The following ASXL2 variants were observed in gnomAD, a reference collection of about 807,000 sequenced individuals.
ASXL2 encodes putative Polycomb group protein ASXL2.
Under a neutral mutation model 122.0 loss-of-function variants are expected in ASXL2, and 23 were observed. The observed-to-expected ratio is 0.19, with a 90% confidence interval of 0.14 to 0.27. The LOEUF is 0.27. Among genes scored for constraint, ASXL2 ranks in the 10% least tolerant of loss-of-function variants. ASXL2 has a pLI of 1.00. For synonymous variants in ASXL2, 650 were observed against 637.0 expected (o/e 1.02, Z -0.31); for missense variants, 1,518 against 1,713.8 (o/e 0.89, Z 2.02).
At position 25,749,828 on chromosome 2, in the gene ASXL2, C is replaced by T. The variant is rs373310447; in HGVS notation, c.1728G>A (p.Glu576=). 2.5e-6 allele frequency: 4 copies of T among 1,610,234 alleles called. No individual in the cohort carries two copies. In the African/African-American group the frequency reaches 5.4e-5, roughly 22 times the overall value. ...LKRKSSLTQE[E]APVSWEKRPR... is the part of the protein sequence containing the mutation. ...GCCTCTTCTCCCAGCTCACAGGGGC[C>T]TCTTCTTGGGTGAGGGAAGACTTCC... Residue 576 remains glutamate (E), a synonymous_variant, in exon 12 of 13, where the codon GAG becomes GAA. Transcript: ENST00000435504.
intron 3 of ASXL2, among the ~76,000 whole-genome samples, chr2:25,828,365 G>A (rs1372505244): frequency 1.3e-5 from 2 of 151,866 alleles, no homozygotes; most frequent in African/African-American, 4.8e-5. Context: ...AATTAGCCAG[G>A]CATGGTGGCG....
At chr2:25,760,340 G>C (rs370426772) in intron 8 of ASXL2, among the ~76,000 whole-genome samples, 21 of 151,266 alleles carry the variant, frequency 1.4e-4, no homozygotes, top group East Asian at 7.7e-4. Flanking sequence ...GAAATTAAAA[G>C]GTAATTCAGT....
At position 25,740,481 on chromosome 2, in the gene ASXL2, G is replaced by GC. The variant is rs2087809826; in HGVS notation, c.*1547_*1548insG. ...TTACCCATTCCAAATTAGGAGACTT[G>GC]AAATCAATATGCAAATGATGCAAAT... On this transcript the variant is annotated 3_prime_UTR_variant, in exon 13 of 13. Coordinates refer to ENST00000435504, the MANE Select transcript of ASXL2 (RefSeq NM_018263.6). 4.4e-6 allele frequency: 1 copy of GC among 227,874 alleles called. No homozygotes were observed. The highest frequency in any genetic ancestry group is 8.7e-6 in the Non-Finnish European group (1 of 114,910). 14.1% of individuals were successfully genotyped at this position (227,874 alleles called of 1,614,324 possible).
intron 3 of ASXL2, among the ~76,000 whole-genome samples, chr2:25,826,544 G>A (rs1466395788): frequency 6.6e-6 from 1 of 152,054 alleles, no homozygotes; most frequent in Non-Finnish European, 1.5e-5. Context: ...ATTCTCCCTT[G>A]CAATAACAAG....
At chr2:25,792,631 C>A (rs1452392271) in intron 5 of ASXL2, among the ~76,000 whole-genome samples, 1 of 151,728 alleles carries the variant, frequency 6.6e-6, no homozygotes, top group East Asian at 2.0e-4. Flanking sequence ...GAAACAGTGT[C>A]TCACTTTGTC....
intron 1 of ASXL2, among the ~76,000 whole-genome samples, chr2:25,859,385 T>C (rs1559530764): frequency 6.6e-6 from 1 of 152,202 alleles, no homozygotes; most frequent in Non-Finnish European, 1.5e-5. Context: ...AAGCAAAAAG[T>C]GTTACCCTTA....
rs2384262 is a variant in ASXL2, at chr2:25,756,476, G to A, written c.940-362C>T. Among the ~76,000 whole-genome samples, 681 of 103,822 alleles carry A rather than the reference G, an allele frequency of 6.6e-3. 4 individuals are homozygous for A. The highest frequency in any genetic ancestry group is 0.017 in the African/African-American group (472 of 27,954). The allele number at this position is 103,822 out of a possible 152,430, so 68.1% of individuals were successfully genotyped here. ...GACAAAAAAAAAAAGAAAAAAAAAAGAAAAAAAAAAAAGAAGGATGGACTA... is the reference window on the plus strand; with the variant it reads ...GACAAAAAAAAAAAGAAAAAAAAAAAAAAAAAAAAAAAGAAGGATGGACTA... On this transcript the variant is annotated intron_variant, in intron 9 of 12. Transcript: ENST00000435504.
chr2:25,869,880 T>A (rs80293480), intron 1 of ASXL2, among the ~76,000 whole-genome samples: 5 of 150,028 alleles, frequency 3.3e-5, no homozygotes, highest in Non-Finnish European at 7.4e-5. Flanking sequence ...CGATTTTTTT[T>A]AATGATGGTA....
At chr2:25,755,001 G>A (rs556417480) in intron 10 of ASXL2, among the ~76,000 whole-genome samples, 24 of 152,280 alleles carry the variant, frequency 1.6e-4, no homozygotes, top group African/African-American at 5.5e-4. Flanking sequence ...ACTTTAACTG[G>A]TAGGGATCTG....
intron 8 of ASXL2, among the ~76,000 whole-genome samples, chr2:25,764,934 G>C (rs191890809): frequency 4.1e-4 from 63 of 152,258 alleles, no homozygotes; most frequent in Admixed American, 1.2e-3. Flanking sequence ...AAAGTGGTCA[G>C]TTTAAGTCCT....
intron 5 of ASXL2, among the ~76,000 whole-genome samples, chr2:25,790,397 A>C (rs1239267800): frequency 6.6e-6 from 1 of 151,690 alleles, no homozygotes; most frequent in Non-Finnish European, 1.5e-5. Flanking sequence ...ACAAAAACAG[A>C]ACTATTAAAA....
At chr2:25,761,490 C>T (rs978594074) in intron 8 of ASXL2, among the ~76,000 whole-genome samples, 5 of 151,816 alleles carry the variant, frequency 3.3e-5, no homozygotes, top group South Asian at 2.1e-4. Context: ...CTGGCTAACA[C>T]GGTGAAACAT....
At chr2:25,848,590 T>G (rs1040231378) in intron 1 of ASXL2, among the ~76,000 whole-genome samples, 2 of 151,796 alleles carry the variant, frequency 1.3e-5, no homozygotes, top group African/African-American at 4.8e-5. Context: ...GCCACTGCAC[T>G]CCAGCCTGGG....
chr2:25,747,678 A>C (rs994510911), intron 12 of ASXL2, among the ~76,000 whole-genome samples: 1 of 152,232 alleles, frequency 6.6e-6, no homozygotes, highest in Non-Finnish European at 1.5e-5. Context: ...AGCAAAACCT[A>C]AACAGTTACT....
intron 1 of ASXL2, among the ~76,000 whole-genome samples, chr2:25,847,338 A>AT (rs1163708744): frequency 6.6e-6 from 1 of 152,008 alleles, no homozygotes; most frequent in Non-Finnish European, 1.5e-5. Flanking sequence ...TCCCCAAAAT[A>AT]TTTTTCTCAG....
At position 25,735,547 on chromosome 2, in the gene ASXL2, A is replaced by G. The variant is rs1559494785; in HGVS notation, c.*6482T>C. The G allele has an allele frequency of 1.3e-5, 2 of 152,258 alleles. No homozygotes were observed. Among genetic ancestry groups the G allele is most frequent in the South Asian group, 2.1e-4 (1 of 4,836 alleles). 9.4% of individuals were successfully genotyped at this position (152,258 alleles called of 1,614,324 possible). A position where few individuals can be genotyped will look rare whatever the true frequency, so the allele number is the denominator to read the frequency against. ...GAAGAGATACAGTTACTTATCATCTATAAGATGAAAATCATGTTTTAAGAA... is the reference window on the plus strand; with the variant it reads ...GAAGAGATACAGTTACTTATCATCTGTAAGATGAAAATCATGTTTTAAGAA... On this transcript the variant is annotated 3_prime_UTR_variant, in exon 13 of 13. Transcript: ENST00000435504.
intron 1 of ASXL2, among the ~76,000 whole-genome samples, chr2:25,850,365 T>C (rs2089700631): frequency 6.6e-6 from 1 of 152,232 alleles, no homozygotes; most frequent in African/African-American, 2.4e-5. Context: ...ATCTATGGGT[T>C]TCTCTCACTT....
chr2:25,804,951 G>T (rs971779858), intron 4 of ASXL2, among the ~76,000 whole-genome samples: 6 of 152,206 alleles, frequency 3.9e-5, no homozygotes, highest in Non-Finnish European at 7.3e-5. Flanking sequence ...TTGAGAGGCT[G>T]AGACAGGAGA....
At position 25,744,597 on chromosome 2, in the gene ASXL2, G is replaced by A; in HGVS notation, c.1861-121C>T. ...ACACTACAGTACCTGTGACAAACATGGGTGGTCTATGGCCGAGAGGCCAAA... is the reference window on the plus strand; with the variant it reads ...ACACTACAGTACCTGTGACAAACATAGGTGGTCTATGGCCGAGAGGCCAAA... On this transcript the variant is annotated intron_variant, in intron 12 of 12. Coordinates refer to ENST00000435504, the MANE Select transcript of ASXL2 (RefSeq NM_018263.6). The surrounding 1 kb of genome is among the most constrained non-coding windows in gnomAD (Gnocchi z 4.7). 1 of 1,185,508 alleles carries A rather than the reference G, an allele frequency of 8.4e-7. No individual in the cohort carries two copies. The allele number at this position is 1,185,508 out of a possible 1,614,324, so 73.4% of individuals were successfully genotyped here.
Sources: allele counts gnomAD v4.1 joint callset (sites outside exome capture counted in the v4.1 genomes callset), GRCh38; gene constraint gnomAD v4.1.1; non-coding constraint Gnocchi (gnomAD v3.1); transcripts MANE v1.5; gene names NCBI Gene and HGNC (gene_info 2026-07-23, HGNC 2026-07-21).